ZSWIM2: variants seen among roughly 807,000 people sequenced by gnomAD.
ZSWIM2 encodes the protein E3 ubiquitin-protein ligase ZSWIM2.
A neutral mutation model predicts 48.4 loss-of-function variants in ZSWIM2; 38 were observed. The observed-to-expected ratio is 0.79, with a 90% CI of 0.61 to 1.03. The LOEUF is 1.03. Among genes scored for constraint, ZSWIM2 ranks in the 50% least tolerant of loss-of-function variants. The pLI is 0.00. For synonymous variants in ZSWIM2, 240 were observed against 251.3 expected (o/e 0.96, Z 0.42); for missense variants, 776 against 730.2 (o/e 1.06, Z -0.72).
intron 2 of ZSWIM2, among the ~76,000 whole-genome samples, chr2:186,846,827 A>ATATATATATATAT (rs57335605): frequency 6.3e-5 from 9 of 142,498 alleles, no homozygotes; most frequent in African/African-American, 1.5e-4. Context: ...ATATATATAT[A>ATATATATATATAT]ATGTAATAGA....
At chr2:186,839,288 A>G in intron 3 of ZSWIM2, 119 bp from the exon 4 acceptor site, 1 of 851,082 alleles carries the variant, frequency 1.2e-6, no homozygotes, top group Non-Finnish European at 1.8e-6. Context: ...TTTTGATTGA[A>G]TTATCACACT....
intron 2 of ZSWIM2, among the ~76,000 whole-genome samples, chr2:186,847,219 A>G (rs1692020718): frequency 6.6e-6 from 1 of 152,122 alleles, no homozygotes; most frequent in South Asian, 2.1e-4. Flanking sequence ...AGTGATTCAT[A>G]GTCAAATGTT....
intron 3 of ZSWIM2, among the ~76,000 whole-genome samples, chr2:186,841,402 CAA>C (rs1266476526): frequency 1.3e-5 from 2 of 150,858 alleles, no homozygotes; most frequent in African/African-American, 2.4e-5. Context: ...AACATGAATC[CAA>C]AAAACAAATA....
chr2:186,835,179 C>T (rs1029789848), intron 5 of ZSWIM2, among the ~76,000 whole-genome samples: 1 of 151,952 alleles, frequency 6.6e-6, no homozygotes, highest in Non-Finnish European at 1.5e-5. Context: ...TTTTTCCCCA[C>T]AGAATGGAAA....
intron 2 of ZSWIM2, among the ~76,000 whole-genome samples, chr2:186,846,868 C>A (rs918589455): frequency 1.3e-5 from 2 of 149,778 alleles, no homozygotes; most frequent in African/African-American, 2.5e-5. Context: ...GAACTCATGT[C>A]TTTTGTAGCA....
intron 4 of ZSWIM2, among the ~76,000 whole-genome samples, chr2:186,838,046 A>G (rs938925759): frequency 6.6e-6 from 1 of 151,924 alleles, no homozygotes; most frequent in African/African-American, 2.4e-5. Context: ...CAATAGAAGC[A>G]GACACATGAA....
intron 4 of ZSWIM2, among the ~76,000 whole-genome samples, chr2:186,838,053 T>A (rs2105819277): frequency 6.6e-6 from 1 of 151,654 alleles, no homozygotes; most frequent in East Asian, 1.9e-4. Flanking sequence ...AGCAGACACA[T>A]GAACAACTAC....
At chr2:186,829,422 G>A (rs1189116683) in intron 8 of ZSWIM2, among the ~76,000 whole-genome samples, 1 of 152,066 alleles carries the variant, frequency 6.6e-6, no homozygotes, top group Admixed American at 6.6e-5. Context: ...CAAAATATTA[G>A]TATTCTATAA....
chr2:186,831,060 C>A (rs1446913645), intron 7 of ZSWIM2, among the ~76,000 whole-genome samples: 1 of 152,088 alleles, frequency 6.6e-6, no homozygotes, highest in Non-Finnish European at 1.5e-5. Flanking sequence ...TCCTGAAATT[C>A]TCTTACTTAT....
intron 4 of ZSWIM2, among the ~76,000 whole-genome samples, chr2:186,838,606 T>C (rs980576188): frequency 1.3e-5 from 2 of 149,788 alleles, no homozygotes; most frequent in Non-Finnish European, 3.0e-5. Flanking sequence ...CCTTGTAGTG[T>C]AGCTCAGAAA....
intron 4 of ZSWIM2, 95 bp from the exon 5 acceptor site, chr2:186,837,649 A>G: frequency 2.3e-6 from 1 of 438,058 alleles, no homozygotes; most frequent in Non-Finnish European, 3.1e-6. Flanking sequence ...ATTTATATAA[A>G]TAAAATTTCC....
chr2:186,838,123 A>G (rs1269247548), intron 4 of ZSWIM2, among the ~76,000 whole-genome samples: 2 of 151,700 alleles, frequency 1.3e-5, no homozygotes, highest in Non-Finnish European at 2.9e-5. Flanking sequence ...GGAGAAAAAA[A>G]TTGCAATGGA....
chr2:186,829,367 A>C (rs1027007766), intron 8 of ZSWIM2, among the ~76,000 whole-genome samples: 3 of 152,172 alleles, frequency 2.0e-5, no homozygotes, highest in Non-Finnish European at 4.4e-5. Context: ...AATTATGTCA[A>C]CTTAGGCATT....
At chr2:186,838,062 A>C (rs1168143683) in intron 4 of ZSWIM2, among the ~76,000 whole-genome samples, 2 of 151,666 alleles carry the variant, frequency 1.3e-5, no homozygotes, top group Non-Finnish European at 2.9e-5. Flanking sequence ...ATGAACAACT[A>C]CAGTGTGGAC....
At chr2:186,832,328 G>T (rs1436272323) in intron 7 of ZSWIM2, among the ~76,000 whole-genome samples, 2 of 151,666 alleles carry the variant, frequency 1.3e-5, no homozygotes, top group Non-Finnish European at 2.9e-5. Flanking sequence ...CACCATGTTG[G>T]CCAGGCTGGT....
At position 186,849,086 on chromosome 2, in the gene ZSWIM2, C is replaced by G. The variant is rs1043785598; in HGVS notation, c.45G>C (p.Leu15Phe). Residue 15 changes from leucine (L) to phenylalanine (F), a missense_variant, in exon 1 of 9, where the codon TTG (leucine) becomes TTC (phenylalanine). By Grantham distance (22) the Leu-to-Phe change is conservative. Coordinates refer to ENST00000295131, the MANE Select transcript of ZSWIM2 (RefSeq NM_182521.3). ...CTTGGTGCCAGCTGAGCCTCTCGCT[C>G]AAGTGTCTTCGCCTTTCAGAGGCCT... ...GYKASERRRH[L>F]SERLSWHQDQ... 1 of 1,614,066 alleles carries G rather than the reference C, an allele frequency of 6.2e-7. No homozygotes were observed.
chr2:186,828,767 G>A lies in ZSWIM2; in HGVS notation c.1119C>T (p.Asn373=), dbSNP rs1000739157. The change falls in exon 9 of 9, where the codon AAC becomes AAT. Residue 373 remains asparagine, a synonymous_variant. Coordinates refer to ENST00000295131, the MANE Select transcript of ZSWIM2 (RefSeq NM_182521.3). ...ATGAATTGCACTTGTGGAATAACCA[G>A]TTGTCAATACACTTCCTGTGAAACT... is the stretch of plus-strand genomic sequence containing the variant. ...THKFHRKCID[N]WLFHKCNSCP... The A allele has an allele frequency of 5.7e-6, 9 of 1,576,716 alleles. No homozygotes were observed. The highest frequency in any genetic ancestry group is 6.0e-6 in the Non-Finnish European group (7 of 1,161,340).
chr2:186,838,419 T>G (rs1380204692), intron 4 of ZSWIM2, among the ~76,000 whole-genome samples: 4 of 150,036 alleles, frequency 2.7e-5, no homozygotes, highest in Non-Finnish European at 5.9e-5. Flanking sequence ...TTTGAAAAAC[T>G]AAAAATAATT....
intron 3 of ZSWIM2, among the ~76,000 whole-genome samples, chr2:186,844,377 C>T (rs923788500): frequency 6.6e-6 from 1 of 151,552 alleles, no homozygotes; most frequent in African/African-American, 2.4e-5. Flanking sequence ...ATCACATTTG[C>T]TATTTTTCTC....
Sources: allele counts gnomAD v4.1 joint callset (sites outside exome capture counted in the v4.1 genomes callset), GRCh38; gene constraint gnomAD v4.1.1; transcripts MANE v1.5; gene names NCBI Gene and HGNC (gene_info 2026-07-23, HGNC 2026-07-21).